AGBL1: variants seen among roughly 807,000 people sequenced by gnomAD.
AGBL1 encodes cytosolic carboxypeptidase 4.
Under a neutral mutation model 118.9 loss-of-function variants are expected in AGBL1, and 130 were observed. That is an observed-to-expected ratio of 1.09 (90% confidence interval 0.95 to 1.26). AGBL1 has a LOEUF of 1.26. Among genes scored for constraint, AGBL1 ranks in the 50% most tolerant of loss-of-function variants. AGBL1 has a pLI of 0.00. For synonymous variants in AGBL1, 555 were observed against 478.9 expected, an observed-to-expected ratio of 1.16 and a Z score of -2.08; for missense variants, 1,584 against 1,298.1, an observed-to-expected ratio of 1.22 and a Z score of -3.38.
intron 22 of AGBL1, among the ~76,000 whole-genome samples, chr15:86,817,093 C>G (rs1382648491): frequency 6.6e-5 from 10 of 152,038 alleles, no homozygotes; most frequent in Non-Finnish European, 1.5e-5. Flanking sequence ...TCGAGACCAG[C>G]ATGACCAACA....
intron 18 of AGBL1, among the ~76,000 whole-genome samples, chr15:86,411,291 C>T (rs2081616218): frequency 6.6e-6 from 1 of 151,982 alleles, no homozygotes; most frequent in Admixed American, 6.6e-5. Context: ...GGTGGGTACC[C>T]AAGCCTCAAG....
chr15:86,589,725 T>C (rs2084305714), intron 21 of AGBL1, among the ~76,000 whole-genome samples: 1 of 152,124 alleles, frequency 6.6e-6, no homozygotes, highest in South Asian at 2.1e-4. Flanking sequence ...CTCCTTCCCT[T>C]CCTTCCTCCT....
intron 22 of AGBL1, among the ~76,000 whole-genome samples, chr15:86,814,512 A>G (rs1287837797): frequency 6.6e-6 from 1 of 152,230 alleles, no homozygotes. Context: ...GCTTGCCCAC[A>G]GAAGCATCTA....
Position 87,020,149 on chromosome 15 carries a change from C to A in AGBL1, c.3324-8676C>A, listed in dbSNP as rs187050772. On this transcript the variant is annotated intron_variant, in intron 24 of 24. Transcript: ENST00000441037. ...CCTACCAATCAAAAAAAGCCCAGGACCAGAAGAATTTACAGCTGAATTCTA... is the reference window on the plus strand; with the variant it reads ...CCTACCAATCAAAAAAAGCCCAGGAACAGAAGAATTTACAGCTGAATTCTA... 1.2e-4 allele frequency among the ~76,000 whole-genome samples: 19 copies of A among 152,124 alleles called. No individual in the cohort carries two copies. The East Asian group carries it at 3.7e-3, about 29-fold the overall frequency.
At chr15:86,185,639 A>C (rs1359311080) in intron 5 of AGBL1, among the ~76,000 whole-genome samples, 1 of 152,076 alleles carries the variant, frequency 6.6e-6, no homozygotes, top group East Asian at 1.9e-4. Context: ...CATCATTCTC[A>C]GCAAACTATC....
At chr15:86,458,702 A>T (rs182298563) in intron 18 of AGBL1, among the ~76,000 whole-genome samples, 2 of 152,328 alleles carry the variant, frequency 1.3e-5, no homozygotes, top group Non-Finnish European at 2.9e-5. Context: ...ACATTAAGGC[A>T]GAGAAGGTTA....
rs891818403 is a variant in AGBL1 at position 86,785,360 on chromosome 15, C to CTTTTTTTTTTTT, written c.3158+110931_3158+110942dup. Among the ~76,000 whole-genome samples the CTTTTTTTTTTTT allele has an allele frequency of 3.0e-3, 301 of 98,888 alleles. 3 individuals carry two copies. Among genetic ancestry groups the CTTTTTTTTTTTT allele is most frequent in the Non-Finnish European group, 4.4e-3 (210 of 47,576 alleles). 64.9% of individuals were successfully genotyped at this position (98,888 alleles called of 152,430 possible). ...GAAGAGGCACAGAGATCTGCGGGTT[C>CTTTTTTTTTTTT]TTTTTTTTTTTTTTTTTTGTTTTTG... On this transcript the variant is annotated intron_variant, in intron 22 of 22. Transcript: ENST00000614907.
intron 19 of AGBL1, among the ~76,000 whole-genome samples, chr15:86,545,476 T>C (rs1165094957): frequency 6.6e-6 from 1 of 152,184 alleles, no homozygotes; most frequent in Non-Finnish European, 1.5e-5. Context: ...TGGAGCTTTG[T>C]TGTACAGACT....
At chr15:86,114,964 G>A (rs977288573) in intron 1 of AGBL1, among the ~76,000 whole-genome samples, 3 of 152,144 alleles carry the variant, frequency 2.0e-5, no homozygotes, top group African/African-American at 7.2e-5. Context: ...CTTCATGATA[G>A]GCTCTCATGT....
intron 19 of AGBL1, among the ~76,000 whole-genome samples, chr15:86,523,419 GT>G (rs60055680): frequency 0.053 from 8,131 of 152,156 alleles, 686 homozygotes; most frequent in African/African-American, 0.18. Flanking sequence ...CCTCATCATA[GT>G]TTTATCATAC....
At chr15:86,387,932 G>T (rs1404768800) in intron 17 of AGBL1, among the ~76,000 whole-genome samples, 1 of 152,312 alleles carries the variant, frequency 6.6e-6, no homozygotes, top group South Asian at 2.1e-4. Flanking sequence ...AGGTTTTGGG[G>T]AAAAGGCAGA....
chr15:86,457,110 A>C (rs8032499), intron 18 of AGBL1, among the ~76,000 whole-genome samples: 70,008 of 151,880 alleles, frequency 0.46, 16,987 homozygotes, highest in Middle Eastern at 0.58. Flanking sequence ...TTAAGAATGC[A>C]CTTCAAATAC....
At chr15:86,155,248 G>T (rs1047787744) in intron 4 of AGBL1, among the ~76,000 whole-genome samples, 3 of 152,058 alleles carry the variant, frequency 2.0e-5, no homozygotes, top group East Asian at 3.9e-4. Flanking sequence ...TGGTCAGATC[G>T]CTTGAGCCCA....
At chr15:86,658,587 C>T (rs963187167) in intron 21 of AGBL1, among the ~76,000 whole-genome samples, 2 of 152,134 alleles carry the variant, frequency 1.3e-5, no homozygotes, top group Non-Finnish European at 2.9e-5. Flanking sequence ...CTCTTACAGC[C>T]TCCTGGACCT....
At chr15:86,513,840 A>T (rs1027249434) in intron 18 of AGBL1, among the ~76,000 whole-genome samples, 1 of 152,030 alleles carries the variant, frequency 6.6e-6, no homozygotes, top group Non-Finnish European at 1.5e-5. Context: ...ATCTTACTGC[A>T]TTTCACCATT....
intron 22 of AGBL1, among the ~76,000 whole-genome samples, chr15:86,771,662 C>G (rs190793557): frequency 5.6e-4 from 85 of 151,854 alleles, no homozygotes; most frequent in African/African-American, 2.0e-3. Flanking sequence ...ACTGCACTTG[C>G]GTAAGTGGTA....
At chr15:86,304,634 T>C (rs933219300) in intron 17 of AGBL1, among the ~76,000 whole-genome samples, 1 of 152,216 alleles carries the variant, frequency 6.6e-6, no homozygotes, top group Non-Finnish European at 1.5e-5. Flanking sequence ...CTAGCCACCA[T>C]GTAGGACCTT....
intron 5 of AGBL1, among the ~76,000 whole-genome samples, chr15:86,212,897 G>A (rs900402153): frequency 2.6e-4 from 39 of 152,218 alleles, no homozygotes; most frequent in African/African-American, 4.3e-4. Flanking sequence ...TGATCCACCC[G>A]CCTCGGCCTC....
intron 21 of AGBL1, among the ~76,000 whole-genome samples, chr15:86,634,517 G>T (rs941987444): frequency 2.0e-5 from 3 of 152,118 alleles, no homozygotes; most frequent in African/African-American, 7.2e-5. Flanking sequence ...AATCTATATA[G>T]AGAGAAAGTG....
Sources: allele counts gnomAD v4.1 joint callset (sites outside exome capture counted in the v4.1 genomes callset), GRCh38; gene constraint gnomAD v4.1.1; transcripts MANE v1.5; gene names NCBI Gene and HGNC (gene_info 2026-07-23, HGNC 2026-07-21).